The following PTPRQ variants were observed in gnomAD, a reference collection of about 807,000 sequenced individuals.
PTPRQ encodes the protein phosphatidylinositol phosphatase PTPRQ.
PTPRQ carries 199 observed loss-of-function variants against 246.0 expected under a neutral mutation model. The observed-to-expected ratio is 0.81, with a 90% CI of 0.72 to 0.91. PTPRQ has a LOEUF of 0.91. PTPRQ is among the 40% of genes least tolerant of loss of function. PTPRQ has a pLI of 0.00. For missense variants in PTPRQ, 2,624 were observed against 2,528.4 expected, an observed-to-expected ratio of 1.04 and a Z score of -0.81; for synonymous variants, 869 against 853.2, an observed-to-expected ratio of 1.02 and a Z score of -0.32.
chr12:80,446,317 T>C (rs1892551591), intron 3 of PTPRQ, among the ~76,000 whole-genome samples: 1 of 151,672 alleles, frequency 6.6e-6, no homozygotes, highest in South Asian at 2.1e-4. Context: ...CTTCTTTCCA[T>C]AACAGTAAAA....
At chr12:80,505,929 A>T in intron 14 of PTPRQ, 95 bp from the exon 15 acceptor site, 1 of 1,333,516 alleles carries the variant, frequency 7.5e-7, no homozygotes, top group Non-Finnish European at 9.9e-7. Flanking sequence ...TGAAGGTTCA[A>T]TTGTAAATAA....
At chr12:80,641,539 G>A (rs1899855594) in intron 35 of PTPRQ, among the ~76,000 whole-genome samples, 1 of 152,180 alleles carries the variant, frequency 6.6e-6, no homozygotes, top group Non-Finnish European at 1.5e-5. Flanking sequence ...GGAATCATAA[G>A]TAACCTTGTT....
chr12:80,602,242 A>T (rs914396100), intron 26 of PTPRQ, among the ~76,000 whole-genome samples: 1 of 151,820 alleles, frequency 6.6e-6, no homozygotes, highest in Admixed American at 6.6e-5. Flanking sequence ...TACTATTATT[A>T]AAATATGTCA....
chr12:80,613,793 C>T lies in PTPRQ; in HGVS notation c.5120C>T (p.Ala1707Val). Residue 1707 changes from alanine to valine, a missense_variant, in exon 29 of 45, where the codon GCA (alanine) becomes GTA (valine). Physicochemically the swap from Ala to Val is moderately conservative, Grantham distance 64. Transcript: ENST00000644991. ...IIQKTNTFVI[A>V]MLEGLKGGHT... ...CAGAAAACCAACACATTCGTCATTG[C>T]AATGCTAGAAGGACTAAAAGGTGGA... 1 of 1,541,920 alleles carries T rather than the reference C, an allele frequency of 6.5e-7. No individual in the cohort carries two copies. Among genetic ancestry groups the T allele is most frequent in the Non-Finnish European group, 8.8e-7 (1 of 1,141,214 alleles).
At chr12:80,578,206 G>T (rs919680809) in intron 25 of PTPRQ, among the ~76,000 whole-genome samples, 12 of 145,416 alleles carry the variant, frequency 8.3e-5, no homozygotes, top group African/African-American at 3.1e-4. Flanking sequence ...ATCTCCTAAT[G>T]CTATCCCTCC....
At chr12:80,603,651 A>G (rs1898214538) in intron 26 of PTPRQ, among the ~76,000 whole-genome samples, 1 of 151,596 alleles carries the variant, frequency 6.6e-6, no homozygotes, top group Admixed American at 6.6e-5. Context: ...GCAATTCTAC[A>G]GCAATACAAC....
chr12:80,468,844 C>A lies in PTPRQ; in HGVS notation c.1039+6C>A. ...TGAATTATATGGACCATCAGGTAAG[C>A]CTTAATTGGTTTTGTGTTTGCCTTT... On this transcript the variant is annotated splice_donor_region_variant and intron_variant, in intron 7 of 44. Transcript: ENST00000644991. The A allele has an allele frequency of 6.5e-7, 1 of 1,544,530 alleles. No individual in the cohort carries two copies. Among genetic ancestry groups the A allele is most frequent in the Non-Finnish European group, 8.7e-7 (1 of 1,144,414 alleles).
At chr12:80,586,908 T>C (rs1897638958) in intron 25 of PTPRQ, 1 of 152,232 alleles carries the variant, frequency 6.6e-6, no homozygotes. Context: ...ATTTGAATTA[T>C]ATGAGAAGAT....
At chr12:80,463,044 A>C (rs542105308) in intron 6 of PTPRQ, among the ~76,000 whole-genome samples, 475 of 152,274 alleles carry the variant, frequency 3.1e-3, no homozygotes, top group African/African-American at 0.01. Flanking sequence ...TGAGAGAAGA[A>C]GGCTTCGGAC....
intron 25 of PTPRQ, among the ~76,000 whole-genome samples, chr12:80,558,256 C>T (rs1299233174): frequency 2.0e-5 from 3 of 151,540 alleles, no homozygotes; most frequent in Admixed American, 6.6e-5. Flanking sequence ...CAACCTCTGC[C>T]TCCCGGGTTC....
intron 34 of PTPRQ, among the ~76,000 whole-genome samples, chr12:80,633,419 C>A (rs993433899): frequency 3.3e-5 from 5 of 152,178 alleles, no homozygotes; most frequent in African/African-American, 1.2e-4. Context: ...GCATCAGCAT[C>A]CTACTTCCCT....
chr12:80,669,893 A>G (rs1900913261), intron 41 of PTPRQ, among the ~76,000 whole-genome samples: 1 of 152,038 alleles, frequency 6.6e-6, no homozygotes, highest in Non-Finnish European at 1.5e-5. Context: ...TCACTTTATG[A>G]GATCTTTATG....
intron 26 of PTPRQ, among the ~76,000 whole-genome samples, chr12:80,595,274 A>G (rs1490154203): frequency 6.6e-6 from 1 of 152,076 alleles, no homozygotes; most frequent in Non-Finnish European, 1.5e-5. Context: ...CCTTAAAAGC[A>G]TAAATAGCCA....
chr12:80,483,639 G>C (rs950783692), intron 8 of PTPRQ, among the ~76,000 whole-genome samples: 1 of 151,876 alleles, frequency 6.6e-6, no homozygotes, highest in South Asian at 2.1e-4. Context: ...GAACGTATAG[G>C]TTTGTTACAT....
chr12:80,502,430 T>G (rs1275391868), intron 14 of PTPRQ, among the ~76,000 whole-genome samples: 3 of 151,872 alleles, frequency 2.0e-5, no homozygotes, highest in Non-Finnish European at 2.9e-5. Context: ...CATTTGAGAT[T>G]TGATGTTATA....
intron 17 of PTPRQ, among the ~76,000 whole-genome samples, chr12:80,531,975 A>G (rs1230702940): frequency 6.6e-6 from 1 of 151,934 alleles, no homozygotes; most frequent in Non-Finnish European, 1.5e-5. Flanking sequence ...ATAAAAATTT[A>G]TTTTTGATAT....
intron 32 of PTPRQ, among the ~76,000 whole-genome samples, chr12:80,621,392 G>T (rs988541669): frequency 6.6e-6 from 1 of 151,784 alleles, no homozygotes; most frequent in African/African-American, 2.4e-5. Flanking sequence ...AATGGTAGAG[G>T]TTCAATCATG....
intron 25 of PTPRQ, among the ~76,000 whole-genome samples, chr12:80,577,641 T>C (rs1026521200): frequency 6.6e-6 from 1 of 152,152 alleles, no homozygotes; most frequent in African/African-American, 2.4e-5. Flanking sequence ...ATTGAGAAAT[T>C]TTTTAAAGGT....
At chr12:80,669,559 A>T in intron 41 of PTPRQ, 95 bp downstream of exon 41, 1 of 1,434,882 alleles carries the variant, frequency 7.0e-7, no homozygotes, top group South Asian at 1.5e-5. Flanking sequence ...ATCCCTTTCA[A>T]GGATACCTGT....
Sources: gnomAD v4.1 joint callset for allele counts (sites outside exome capture counted in the v4.1 genomes callset) on GRCh38, gnomAD v4.1.1 for gene constraint, MANE v1.5 for transcripts, NCBI Gene and HGNC (gene_info 2026-07-23, HGNC 2026-07-21) for gene names.